The following MARCHF4 variants were observed in gnomAD, a reference collection of about 807,000 sequenced individuals.
MARCHF4 encodes the protein E3 ubiquitin-protein ligase MARCHF4.
Under a neutral mutation model 43.9 loss-of-function variants are expected in MARCHF4, and 14 were observed. That is an observed-to-expected ratio of 0.32 (90% CI 0.21 to 0.50). The LOEUF is 0.50. Among genes scored for constraint, MARCHF4 ranks in the 20% least tolerant of loss-of-function variants. MARCHF4 has a pLI of 0.98. For missense variants in MARCHF4, 468 were observed against 536.7 expected (o/e 0.87, Z 1.27); for synonymous variants, 226 against 213.3 (o/e 1.06, Z -0.52).
At chr2:216,264,713 A>G (rs1050859082) in intron 3 of MARCHF4, among the ~76,000 whole-genome samples, 2 of 152,322 alleles carry the variant, frequency 1.3e-5, no homozygotes, top group Middle Eastern at 3.4e-3. Context: ...TTGATTCTCA[A>G]TTAGCTTCTT....
At position 216,338,314 on chromosome 2, in the gene MARCHF4, A is replaced by T. The variant is rs113820793; in HGVS notation, c.516+31431T>A. ...CCCAGAGCACTGACCCCGGCAATCT[A>T]CACTACCTAGACACCATTGCCAACT... is the stretch of plus-strand genomic sequence containing the variant. On this transcript the variant is annotated intron_variant, in intron 1 of 3. Coordinates refer to ENST00000273067, the MANE Select transcript of MARCHF4 (RefSeq NM_020814.3). Among the ~76,000 whole-genome samples, 5 of 152,278 alleles carry T rather than the reference A, an allele frequency of 3.3e-5. 1 individual carries two copies. The highest frequency in any genetic ancestry group is 1.2e-4 in the African/African-American group (5 of 41,540).
rs928054622 is a variant in MARCHF4, at chr2:216,342,210, C to A, written c.516+27535G>T. On this transcript the variant is annotated intron_variant, in intron 1 of 3. Transcript: ENST00000273067. ...AGAGCCCCCAGTTTGAGCCCTCTGG[C>A]CTTAGGGTACCAGGAACTGTGCTGA... Among the ~76,000 whole-genome samples the A allele has an allele frequency of 2.6e-5, 4 of 152,154 alleles. No individual in the cohort carries two copies. The East Asian group carries it at 7.7e-4, about 29-fold the overall frequency.
intron 2 of MARCHF4, 136 bp downstream of exon 2, chr2:216,283,438 C>A (rs934712743): frequency 2.2e-5 from 23 of 1,025,606 alleles, no homozygotes; most frequent in Non-Finnish European, 3.1e-5. Flanking sequence ...CGCCGCCCAC[C>A]GTGCTTGCCC....
chr2:216,355,998 T>C (rs1013722000), intron 1 of MARCHF4, among the ~76,000 whole-genome samples: 11 of 152,232 alleles, frequency 7.2e-5, no homozygotes, highest in Non-Finnish European at 5.9e-5. Context: ...GCACTTGTTT[T>C]CCAAACCAGT....
chr2:216,336,061 C>CT (rs1422029020), intron 1 of MARCHF4, among the ~76,000 whole-genome samples: 7 of 93,852 alleles, frequency 7.5e-5, no homozygotes, highest in African/African-American at 1.8e-4. Context: ...GAGTGAGACT[C>CT]TGTCTAAAAA....
chr2:216,362,288 A>G (rs1004754787), intron 1 of MARCHF4, among the ~76,000 whole-genome samples: 5 of 152,216 alleles, frequency 3.3e-5, no homozygotes, highest in African/African-American at 9.6e-5. Context: ...GTTTATACAC[A>G]CACACACAAA....
In MARCHF4 at chr2:216,372,142, G is replaced by T. The variant is rs964097063; in HGVS notation, c.-1882C>A. Reference sequence around the variant, plus strand: ...ATCAGATTCCAGGCTGCTGCCAGGTGTTGTCTCGTCTTCCGCCGTTGCTCA... The same window carrying T: ...ATCAGATTCCAGGCTGCTGCCAGGTTTTGTCTCGTCTTCCGCCGTTGCTCA... On this transcript the variant is annotated 5_prime_UTR_variant, in exon 1 of 4. Coordinates refer to ENST00000273067, the MANE Select transcript of MARCHF4 (RefSeq NM_020814.3). 6.6e-6 allele frequency: 1 copy of T among 152,424 alleles called. No individual in the cohort carries two copies. Among genetic ancestry groups the T allele is most frequent in the African/African-American group, 2.4e-5 (1 of 41,456 alleles). 9.4% of individuals were successfully genotyped at this position (152,424 alleles called of 1,614,324 possible). A position where few individuals can be genotyped will look rare whatever the true frequency, so the allele number is the denominator to read the frequency against.
rs58031229 is a variant in MARCHF4, at chr2:216,336,742, TAAAAAAAA to T, written c.516+32995_516+33002del. On this transcript the variant is annotated intron_variant, in intron 1 of 3. Transcript: ENST00000273067. ...GGCAAATGGGAAAGGCAAATAGATT[TAAAAAAAA>T]AAAAAAAAAAAAAAAAAGCTTTCTG... Among the ~76,000 whole-genome samples, 24 of 55,670 alleles carry T rather than the reference TAAAAAAAA, an allele frequency of 4.3e-4. 2 individuals carry two copies. The highest frequency in any genetic ancestry group is 2.6e-3 in the East Asian group (2 of 758). 36.5% of individuals were successfully genotyped at this position (55,670 alleles called of 152,430 possible).
intron 1 of MARCHF4, among the ~76,000 whole-genome samples, chr2:216,294,562 C>T (rs1332949000): frequency 6.6e-6 from 1 of 152,236 alleles, no homozygotes; most frequent in Non-Finnish European, 1.5e-5. Flanking sequence ...GCCACCCTCT[C>T]AGGCTGGCAG....
intron 1 of MARCHF4, among the ~76,000 whole-genome samples, chr2:216,323,067 G>C (rs535004094): frequency 6.6e-6 from 1 of 152,300 alleles, no homozygotes; most frequent in East Asian, 1.9e-4. Context: ...AATTCTCTGA[G>C]AGGCTTGGGT....
At chr2:216,354,910 T>TCTTTCTTTCTTC (rs1559106525) in intron 1 of MARCHF4, among the ~76,000 whole-genome samples, 21 of 85,592 alleles carry the variant, frequency 2.5e-4, no homozygotes, top group South Asian at 1.0e-3. Context: ...TTTCTTTCTT[T>TCTTTCTTTCTTC]CTTTCTTTCT....
chr2:216,344,290 C>T (rs1329020114), intron 1 of MARCHF4, among the ~76,000 whole-genome samples: 2 of 152,132 alleles, frequency 1.3e-5, no homozygotes, highest in Non-Finnish European at 2.9e-5. Flanking sequence ...AATACTTGCT[C>T]TTCCTCTACA....
chr2:216,318,452 G>T (rs534041715), intron 1 of MARCHF4, among the ~76,000 whole-genome samples: 1 of 152,168 alleles, frequency 6.6e-6, no homozygotes, highest in Non-Finnish European at 1.5e-5. Context: ...ATGGGAGGGG[G>T]TCATAAGTGC....
chr2:216,305,749 G>C (rs1003491501), intron 1 of MARCHF4, among the ~76,000 whole-genome samples: 5 of 152,140 alleles, frequency 3.3e-5, no homozygotes, highest in Non-Finnish European at 7.3e-5. Context: ...GGCCCATATG[G>C]AGATGGAGCA....
At chr2:216,344,204 C>A (rs534878127) in intron 1 of MARCHF4, among the ~76,000 whole-genome samples, 1 of 152,030 alleles carries the variant, frequency 6.6e-6, no homozygotes, top group Non-Finnish European at 1.5e-5. Context: ...AAAACAGAAA[C>A]TTCCCAACTT....
chr2:216,269,823 T>C (rs148973333), intron 3 of MARCHF4, among the ~76,000 whole-genome samples: 314 of 152,324 alleles, frequency 2.1e-3, no homozygotes, highest in African/African-American at 7.4e-3. Context: ...GGCCATTCTG[T>C]AGTACAGCTG....
intron 1 of MARCHF4, among the ~76,000 whole-genome samples, chr2:216,343,346 C>T (rs559823250): frequency 1.1e-4 from 16 of 152,238 alleles, no homozygotes; most frequent in African/African-American, 2.9e-4. Context: ...CAGACAGCTT[C>T]CCTCTTGCTG....
intron 2 of MARCHF4, 100 bp from the exon 3 acceptor site, chr2:216,277,964 G>A: frequency 8.5e-7 from 1 of 1,174,532 alleles, no homozygotes; most frequent in Non-Finnish European, 1.2e-6. Flanking sequence ...CTCTGATTTA[G>A]GATTTAAGCC....
chr2:216,319,136 T>A (rs545098067), intron 1 of MARCHF4, among the ~76,000 whole-genome samples: 1 of 151,990 alleles, frequency 6.6e-6, no homozygotes, highest in Non-Finnish European at 1.5e-5. Flanking sequence ...GGTGAAACCC[T>A]GTTTCTACTA....
Sources: gnomAD v4.1 joint callset for allele counts (sites outside exome capture counted in the v4.1 genomes callset) on GRCh38, gnomAD v4.1.1 for gene constraint, MANE v1.5 for transcripts, NCBI Gene and HGNC (gene_info 2026-07-23, HGNC 2026-07-21) for gene names.